SLC22A24: variants seen among roughly 807,000 people sequenced by gnomAD.
The protein encoded by SLC22A24 is solute carrier family 22 member 24, also known as steroid transmembrane transporter SLC22A24.
A neutral mutation model predicts 49.8 loss-of-function variants in SLC22A24; 53 were observed. The observed-to-expected ratio is 1.06, with a 90% CI of 0.85 to 1.34. The LOEUF (loss-of-function observed/expected upper bound fraction) is 1.34, where lower values mean the gene tolerates loss of function less well. Among genes scored for constraint, SLC22A24 ranks in the 40% most tolerant of loss-of-function variants. The pLI, the probability that SLC22A24 is intolerant of heterozygous loss-of-function variation, is 0.00. For synonymous variants in SLC22A24, 302 were observed against 256.4 expected, an observed-to-expected ratio of 1.18 and a Z score of -1.70; for missense variants, 786 against 675.9, an observed-to-expected ratio of 1.16 and a Z score of -1.81.
At chr11:63,080,613 C>G (rs897146604) in intron 9 of SLC22A24, among the ~76,000 whole-genome samples, 2 of 152,298 alleles carry the variant, frequency 1.3e-5, no homozygotes, top group South Asian at 4.1e-4. Context: ...GAGAAAACAA[C>G]AGGAGTGTGT....
intron 7 of SLC22A24, among the ~76,000 whole-genome samples, chr11:63,081,918 A>T (rs997888522): frequency 2.0e-5 from 3 of 152,204 alleles, no homozygotes; most frequent in Non-Finnish European, 4.4e-5. Flanking sequence ...ATTGCCAATT[A>T]AGGTGGGGGT....
intron 1 of SLC22A24, among the ~76,000 whole-genome samples, chr11:63,141,229 CA>C (rs1565047104): frequency 6.6e-6 from 1 of 152,122 alleles, no homozygotes; most frequent in Non-Finnish European, 1.5e-5. Flanking sequence ...TGCACTAATG[CA>C]AACATGAAAT....
intron 6 of SLC22A24, among the ~76,000 whole-genome samples, chr11:63,090,572 G>A (rs751327481): frequency 9.2e-5 from 14 of 151,636 alleles, no homozygotes; most frequent in East Asian, 1.9e-4. Flanking sequence ...ACACAACTAC[G>A]TGGAAATTGA....
chr11:63,112,972 G>C (rs542101852), intron 4 of SLC22A24, among the ~76,000 whole-genome samples: 6 of 133,384 alleles, frequency 4.5e-5, no homozygotes, highest in African/African-American at 1.8e-4. Flanking sequence ...CCAAGTTTGT[G>C]CCACTGGACT....
At chr11:63,108,356 TCA>T in intron 4 of SLC22A24, among the ~76,000 whole-genome samples, 2 of 152,226 alleles carry the variant, frequency 1.3e-5, no homozygotes, top group African/African-American at 4.8e-5. Flanking sequence ...TTGAGGATTT[TCA>T]TATCAATGTT....
At chr11:63,113,495 TTTC>T (rs2087189948) in intron 4 of SLC22A24, among the ~76,000 whole-genome samples, 1 of 152,012 alleles carries the variant, frequency 6.6e-6, no homozygotes, top group African/African-American at 2.4e-5. Flanking sequence ...AAGGATTTTA[TTTC>T]TTCTTCACTT....
intron 2 of SLC22A24, among the ~76,000 whole-genome samples, chr11:63,120,430 G>A (rs1271450795): frequency 6.6e-6 from 1 of 151,454 alleles, no homozygotes; most frequent in Admixed American, 6.6e-5. Context: ...ATGTGCACAT[G>A]TACCCTAAAA....
intron 6 of SLC22A24, among the ~76,000 whole-genome samples, chr11:63,089,852 C>T (rs2087007972): frequency 6.6e-6 from 1 of 151,918 alleles, no homozygotes; most frequent in Non-Finnish European, 1.5e-5. Context: ...GAGGCCGAGG[C>T]GGGTGGATCA....
intron 4 of SLC22A24, among the ~76,000 whole-genome samples, chr11:63,106,688 A>G (rs1287076930): frequency 1.0e-5 from 1 of 96,578 alleles, no homozygotes; most frequent in Non-Finnish European, 2.4e-5. Flanking sequence ...AGTGATGATG[A>G]GCATTTTTTC....
intron 5 of SLC22A24, among the ~76,000 whole-genome samples, chr11:63,101,282 A>G (rs11824946): frequency 0.028 from 4,318 of 152,138 alleles, 189 homozygotes; most frequent in African/African-American, 0.099. Flanking sequence ...TAGAACTACC[A>G]TATGATCCAG....
intron 2 of SLC22A24, among the ~76,000 whole-genome samples, chr11:63,125,163 A>AT (rs1035498336): frequency 6.6e-6 from 1 of 152,026 alleles, no homozygotes; most frequent in Non-Finnish European, 1.5e-5. Flanking sequence ...TCATTAAAAA[A>AT]TTTTTTTATT....
chr11:63,126,877 G>T (rs2087294831), intron 2 of SLC22A24, among the ~76,000 whole-genome samples: 1 of 152,150 alleles, frequency 6.6e-6, no homozygotes, highest in Non-Finnish European at 1.5e-5. Flanking sequence ...TCCCTTGTAA[G>T]TTGTATTCCT....
intron 1 of SLC22A24, among the ~76,000 whole-genome samples, chr11:63,141,975 G>T (rs2087418506): frequency 6.6e-6 from 1 of 151,942 alleles, no homozygotes; most frequent in African/African-American, 2.4e-5. Flanking sequence ...CTGCAGGTTA[G>T]ACTAAATTCT....
At chr11:63,138,452 C>A (rs2087390871) in intron 1 of SLC22A24, among the ~76,000 whole-genome samples, 1 of 151,922 alleles carries the variant, frequency 6.6e-6, no homozygotes, top group Non-Finnish European at 1.5e-5. Context: ...ACCATCCTGG[C>A]TAACACGGTG....
chr11:63,080,821 G>T, intron 9 of SLC22A24, 99 bp downstream of exon 9: 2 of 1,017,628 alleles, frequency 2.0e-6, no homozygotes, highest in South Asian at 1.6e-5. Flanking sequence ...GAGCCTACAT[G>T]AAGGACAGAG....
rs757301249 is a variant in SLC22A24 at position 63,081,130 on chromosome 11, G to A, written c.1395-7C>T. On this transcript the variant is annotated splice_polypyrimidine_tract_variant and splice_region_variant and intron_variant, in intron 8 of 9. Transcript: ENST00000612278. ...GATTCCTGCAACTGTTGACCTTAGA[G>A]TGCAAATAACAATACAAAAAATCTT... 156 of 1,550,318 alleles carry A rather than the reference G, an allele frequency of 1.0e-4. No individual in the cohort carries two copies. Among genetic ancestry groups the A allele is most frequent in the Non-Finnish European group, 1.3e-4 (145 of 1,145,900 alleles).
At chr11:63,091,778 T>C (rs1290916859) in intron 6 of SLC22A24, among the ~76,000 whole-genome samples, 1 of 152,098 alleles carries the variant, frequency 6.6e-6, no homozygotes, top group Non-Finnish European at 1.5e-5. Context: ...AGAGCTATTT[T>C]TGACAAATCC....
intron 4 of SLC22A24, among the ~76,000 whole-genome samples, chr11:63,108,457 AG>A (rs2087137480): frequency 6.6e-6 from 1 of 152,172 alleles, no homozygotes; most frequent in African/African-American, 2.4e-5. Context: ...GAAATGAGTT[AG>A]GGAGGATTCC....
At chr11:63,116,103 T>G in intron 4 of SLC22A24, 1 of 402,838 alleles carries the variant, frequency 2.5e-6, no homozygotes. Context: ...CTTAACTTCC[T>G]TGGGCTTTAT....
Sources: allele counts gnomAD v4.1 joint callset (sites outside exome capture counted in the v4.1 genomes callset), GRCh38; gene constraint gnomAD v4.1.1; transcripts MANE v1.5; gene names NCBI Gene and HGNC (gene_info 2026-07-23, HGNC 2026-07-21).